The following GMDS variants were observed in gnomAD, a reference collection of about 807,000 sequenced individuals.
GMDS encodes the protein GDP-mannose 4,6-dehydratase.
In GMDS, 20 loss-of-function variants were observed where a neutral mutation model predicts 49.9. The observed-to-expected ratio is 0.40, with a 90% CI of 0.28 to 0.58. GMDS has a LOEUF of 0.58. GMDS is among the 20% of genes least tolerant of loss of function. GMDS has a pLI of 0.42. For missense variants in GMDS, 362 were observed against 481.4 expected (o/e 0.75, Z 2.32); for synonymous variants, 177 against 178.6 (o/e 0.99, Z 0.07).
At chr6:1,855,890 C>T (rs978278631) in intron 7 of GMDS, among the ~76,000 whole-genome samples, 51 of 152,260 alleles carry the variant, frequency 3.3e-4, no homozygotes, top group African/African-American at 7.2e-4. Flanking sequence ...CACAAACACA[C>T]GTATGGATGG....
chr6:2,239,371 C>T (rs1482079048), intron 1 of GMDS, among the ~76,000 whole-genome samples: 1 of 150,208 alleles, frequency 6.7e-6, no homozygotes, highest in Admixed American at 6.6e-5. Context: ...ATGTCTAAAA[C>T]TGAAATTACT....
chr6:1,758,084 G>A (rs1768018539), intron 7 of GMDS, among the ~76,000 whole-genome samples: 1 of 152,154 alleles, frequency 6.6e-6, no homozygotes, highest in Non-Finnish European at 1.5e-5. Flanking sequence ...GGGCTGCGTG[G>A]GGCTACAGAG....
chr6:1,687,934 A>G (rs1765039909), intron 9 of GMDS, among the ~76,000 whole-genome samples: 1 of 152,124 alleles, frequency 6.6e-6, no homozygotes. Context: ...TTCCACTGAG[A>G]GAGCTGTAAA....
chr6:1,888,018 G>A (rs1267971141), intron 7 of GMDS, among the ~76,000 whole-genome samples: 2 of 151,976 alleles, frequency 1.3e-5, no homozygotes, highest in East Asian at 1.9e-4. Context: ...GTGCAATCAT[G>A]GCTGTCTGCA....
At chr6:1,945,036 C>T (rs1271355509) in intron 6 of GMDS, among the ~76,000 whole-genome samples, 1 of 152,122 alleles carries the variant, frequency 6.6e-6, no homozygotes, top group Non-Finnish European at 1.5e-5. Flanking sequence ...ATTTGGACTT[C>T]AAGCAGTTTT....
intron 7 of GMDS, among the ~76,000 whole-genome samples, chr6:1,757,452 G>C (rs1767990911): frequency 6.6e-6 from 1 of 152,086 alleles, no homozygotes; most frequent in South Asian, 2.1e-4. Context: ...AAAAGCTCTG[G>C]GCATGCAGGA....
intron 7 of GMDS, among the ~76,000 whole-genome samples, chr6:1,753,875 G>C (rs185636547): frequency 2.0e-5 from 3 of 152,240 alleles, no homozygotes; most frequent in African/African-American, 7.2e-5. Context: ...CTGGGACACA[G>C]CTAAAGCAGT....
intron 1 of GMDS, among the ~76,000 whole-genome samples, chr6:2,167,753 G>A (rs971070439): frequency 6.6e-6 from 1 of 151,756 alleles, no homozygotes; most frequent in Admixed American, 6.6e-5. Context: ...TAATTCCTCT[G>A]GCTGCTCTTA....
intron 4 of GMDS, among the ~76,000 whole-genome samples, chr6:2,082,149 C>T (rs903959806): frequency 5.9e-5 from 9 of 152,174 alleles, no homozygotes; most frequent in Admixed American, 2.0e-4. Flanking sequence ...ACACATGATA[C>T]GTGTTCCCTA....
At chr6:2,136,045 T>A (rs1301279941) in intron 1 of GMDS, among the ~76,000 whole-genome samples, 1 of 152,284 alleles carries the variant, frequency 6.6e-6, no homozygotes, top group Admixed American at 6.5e-5. Flanking sequence ...CTGTACAGCA[T>A]GTTACTGTAC....
At chr6:2,223,933 T>TA (rs1780708228) in intron 1 of GMDS, among the ~76,000 whole-genome samples, 3 of 152,050 alleles carry the variant, frequency 2.0e-5, no homozygotes, top group South Asian at 4.1e-4. Flanking sequence ...TCAGGAATGG[T>TA]ATGTTAAGAC....
At position 1,836,973 on chromosome 6, in the gene GMDS, G is replaced by C. The variant is rs1756954712; in HGVS notation, c.771+93130C>G. On this transcript the variant is annotated intron_variant, in intron 7 of 10. Coordinates refer to ENST00000380815, the MANE Select transcript of GMDS (RefSeq NM_001500.4). This position sits in a 1 kb window ranked among gnomAD's most constrained non-coding sequence, Gnocchi z 4.2. The stretch of plus-strand genomic sequence containing the variant: ...TACAATAGAGAAAGTTTGGGAAAAG[G>C]CTAAAAATTCATATACAGGAAGTGG... Among the ~76,000 whole-genome samples, 2 of 152,160 alleles carry C rather than the reference G, an allele frequency of 1.3e-5. No individual in the cohort carries two copies. Among genetic ancestry groups the C allele is most frequent in the African/African-American group, 4.8e-5 (2 of 41,436 alleles).
chr6:2,126,880 T>C (rs1775478682), intron 1 of GMDS, among the ~76,000 whole-genome samples: 1 of 152,202 alleles, frequency 6.6e-6, no homozygotes, highest in Admixed American at 6.5e-5. Flanking sequence ...GTGATCTGCC[T>C]GCCTGGGCCT....
At chr6:2,071,165 TGTTAACTGGATC>T (rs1297690709) in intron 4 of GMDS, among the ~76,000 whole-genome samples, 7 of 152,200 alleles carry the variant, frequency 4.6e-5, no homozygotes, top group Non-Finnish European at 7.3e-5. Flanking sequence ...ACATCCCAGA[TGTTAACTGGATC>T]AAAACCAGAA....
At chr6:2,120,596 T>G (rs1360566786) in intron 2 of GMDS, among the ~76,000 whole-genome samples, 1 of 152,218 alleles carries the variant, frequency 6.6e-6, no homozygotes, top group African/African-American at 2.4e-5. Context: ...TATTTTCATA[T>G]AGTCCCAGAT....
At position 1,652,572 on chromosome 6, in the gene GMDS, A is replaced by T. The variant is rs1388430033; in HGVS notation, c.988-28032T>A. ...TAATATATTATATATATTATATATAATATATATTATTTATATATAATATAT... is the reference window on the plus strand; with the variant it reads ...TAATATATTATATATATTATATATATTATATATTATTTATATATAATATAT... On this transcript the variant is annotated intron_variant, in intron 9 of 10. Coordinates refer to ENST00000380815, the MANE Select transcript of GMDS (RefSeq NM_001500.4). 3.6e-4 allele frequency among the ~76,000 whole-genome samples: 8 copies of T among 22,292 alleles called. 1 individual carries two copies. The highest frequency in any genetic ancestry group is 1.4e-3 in the African/African-American group (8 of 5,874). The allele number at this position is 22,292 out of a possible 152,430, so 14.6% of individuals were successfully genotyped here.
At chr6:1,785,568 C>T (rs966826462) in intron 7 of GMDS, among the ~76,000 whole-genome samples, 13 of 152,180 alleles carry the variant, frequency 8.5e-5, no homozygotes, top group African/African-American at 3.1e-4. Flanking sequence ...CCCCCTTGGG[C>T]ATCCTCCCAG....
At chr6:2,115,389 A>T (rs755449675) in intron 4 of GMDS, among the ~76,000 whole-genome samples, 1 of 152,218 alleles carries the variant, frequency 6.6e-6, no homozygotes, top group African/African-American at 2.4e-5. Context: ...TTTAGCCGCT[A>T]CCAAAAATTG....
intron 3 of GMDS, 91 bp downstream of exon 3, chr6:2,117,377 AC>A (rs1402840317): frequency 1.3e-6 from 1 of 789,816 alleles, no homozygotes. Context: ...TTGGGCTTTG[AC>A]AAAAATGACA....
Sources: gnomAD v4.1 joint callset for allele counts (sites outside exome capture counted in the v4.1 genomes callset) on GRCh38, gnomAD v4.1.1 for gene constraint, Gnocchi (gnomAD v3.1) non-coding constraint, MANE v1.5 for transcripts, NCBI Gene and HGNC (gene_info 2026-07-23, HGNC 2026-07-21) for gene names.